The following OPCML variants were observed in gnomAD, a reference collection of about 807,000 sequenced individuals.
OPCML encodes opioid binding protein/cell adhesion molecule like, also known as opioid-binding protein/cell adhesion molecule.
A neutral mutation model predicts 37.8 loss-of-function variants in OPCML; 13 were observed. That is an observed-to-expected ratio of 0.34 (90% CI 0.22 to 0.55). The LOEUF (loss-of-function observed/expected upper bound fraction) is 0.55, where lower values mean the gene tolerates loss of function less well. Among genes scored for constraint, OPCML ranks in the 20% least tolerant of loss-of-function variants. The pLI is 0.91. For synonymous variants in OPCML, 176 were observed against 168.8 expected, an observed-to-expected ratio of 1.04 and a Z score of -0.33; for missense variants, 341 against 435.6, an observed-to-expected ratio of 0.78 and a Z score of 1.93.
chr11:133,289,847 C>T (rs1448635042), intron 1 of OPCML, among the ~76,000 whole-genome samples: 1 of 152,036 alleles, frequency 6.6e-6, no homozygotes, highest in African/African-American at 2.4e-5. Flanking sequence ...ACAGATAACC[C>T]TCTCTCCTCA....
At chr11:133,438,327 G>T (rs546266662) in intron 1 of OPCML, among the ~76,000 whole-genome samples, 1 of 152,072 alleles carries the variant, frequency 6.6e-6, no homozygotes. Context: ...CAAATCACAA[G>T]GGAGGGAATA....
At chr11:132,949,736 T>C (rs952109609) in intron 1 of OPCML, among the ~76,000 whole-genome samples, 1 of 152,244 alleles carries the variant, frequency 6.6e-6, no homozygotes, top group East Asian at 1.9e-4. Flanking sequence ...CTATTTTATG[T>C]TGGACACTGT....
Position 132,478,483 on chromosome 11 carries a change from C to T in OPCML, c.506-41124G>A, listed in dbSNP as rs530217088. Among the ~76,000 whole-genome samples the T allele has an allele frequency of 6.6e-5, 10 of 152,292 alleles. 1 individual carries two copies. The highest frequency in any genetic ancestry group is 2.4e-4 in the African/African-American group (10 of 41,558). On this transcript the variant is annotated intron_variant, in intron 4 of 7. Transcript: ENST00000524381. ...AACGGGATACACAACACATCCTTAACATGAGCCCCCCAAAGAGTCATTCAC... is the reference window on the plus strand; with the variant it reads ...AACGGGATACACAACACATCCTTAATATGAGCCCCCCAAAGAGTCATTCAC...
intron 2 of OPCML, among the ~76,000 whole-genome samples, chr11:132,664,960 CG>C (rs1270206522): frequency 1.1e-4 from 17 of 152,224 alleles, no homozygotes; most frequent in African/African-American, 3.9e-4. Context: ...AGTAGTGCAA[CG>C]GGTTGACTTT....
intron 1 of OPCML, among the ~76,000 whole-genome samples, chr11:133,527,582 C>T (rs1458632109): frequency 6.6e-6 from 1 of 152,146 alleles, no homozygotes; most frequent in East Asian, 1.9e-4. Context: ...ATGGAATGTC[C>T]TCTCCCCTTC....
chr11:132,553,618 T>C (rs1345381570), intron 3 of OPCML, among the ~76,000 whole-genome samples: 1 of 152,206 alleles, frequency 6.6e-6, no homozygotes, highest in Non-Finnish European at 1.5e-5. Context: ...TCAGGTATTC[T>C]AGGCAGAGAT....
At chr11:132,942,891 A>ACGGGCTC in intron 2 of OPCML, 35 bp downstream of exon 2, 1 of 1,612,088 alleles carries the variant, frequency 6.2e-7, no homozygotes, top group Non-Finnish European at 8.5e-7. Flanking sequence ...ACCACAGCCC[A>ACGGGCTC]GGGGCTCGGC....
intron 4 of OPCML, among the ~76,000 whole-genome samples, chr11:132,477,484 C>T (rs1208783006): frequency 6.6e-6 from 1 of 152,130 alleles, no homozygotes; most frequent in African/African-American, 2.4e-5. Flanking sequence ...AGTGGGAAGC[C>T]TTCTGGGGCT....
intron 1 of OPCML, chr11:133,118,014 C>T: frequency 1.2e-6 from 1 of 863,184 alleles, no homozygotes; most frequent in South Asian, 5.3e-5. Context: ...TGTTTTCAAC[C>T]TGAGTCTACA....
At chr11:132,812,440 A>C (rs149798114) in intron 2 of OPCML, among the ~76,000 whole-genome samples, 7 of 152,276 alleles carry the variant, frequency 4.6e-5, no homozygotes, top group African/African-American at 1.7e-4. Context: ...GAAAATTAAC[A>C]TTACAGAATC....
In OPCML at chr11:133,443,244, A is replaced by G. The variant is rs532369613; in HGVS notation, c.61+89020T>C. Among the ~76,000 whole-genome samples the G allele has an allele frequency of 1.6e-4, 25 of 152,242 alleles. No individual in the cohort carries two copies. The East Asian group carries it at 4.8e-3, about 29-fold the overall frequency. ...AGGGTGCTTGAAAGAGCCCCAACCAATCTTTTATAGGAAAGCTTCACAGCA... is the reference window on the plus strand; with the variant it reads ...AGGGTGCTTGAAAGAGCCCCAACCAGTCTTTTATAGGAAAGCTTCACAGCA... On this transcript the variant is annotated intron_variant, in intron 1 of 7. Coordinates refer to ENST00000524381, the MANE Select transcript of OPCML (RefSeq NM_001012393.5).
At chr11:133,052,873 G>A (rs935235877) in intron 1 of OPCML, among the ~76,000 whole-genome samples, 4 of 152,204 alleles carry the variant, frequency 2.6e-5, no homozygotes, top group African/African-American at 9.6e-5. Context: ...GGGATGGAGA[G>A]GATCCTAATT....
intron 1 of OPCML, among the ~76,000 whole-genome samples, chr11:133,465,794 C>A (rs1218788025): frequency 6.6e-6 from 1 of 152,124 alleles, no homozygotes; most frequent in African/African-American, 2.4e-5. Context: ...TAAAGGGACA[C>A]TGGGAGGACT....
chr11:133,398,863 T>C (rs1490723551), intron 1 of OPCML, among the ~76,000 whole-genome samples: 1 of 152,146 alleles, frequency 6.6e-6, no homozygotes, highest in Non-Finnish European at 1.5e-5. Flanking sequence ...TAATTTTCTA[T>C]TAGCCCTATT....
intron 1 of OPCML, among the ~76,000 whole-genome samples, chr11:132,957,556 G>A (rs1945998566): frequency 6.6e-6 from 1 of 152,120 alleles, no homozygotes; most frequent in Non-Finnish European, 1.5e-5. Context: ...GGCACACCTT[G>A]TTTTATTGTG....
intron 1 of OPCML, among the ~76,000 whole-genome samples, chr11:133,202,433 T>C (rs1184364411): frequency 6.6e-6 from 1 of 152,180 alleles, no homozygotes; most frequent in Non-Finnish European, 1.5e-5. Flanking sequence ...TAACAATCAT[T>C]GATGGTGTGC....
chr11:133,198,160 G>A (rs556383456), intron 1 of OPCML, among the ~76,000 whole-genome samples: 3 of 152,276 alleles, frequency 2.0e-5, no homozygotes, highest in East Asian at 1.9e-4. Flanking sequence ...CTCATTCAAC[G>A]ATTTTTATAT....
chr11:133,450,463 C>A (rs1946559232), intron 1 of OPCML, among the ~76,000 whole-genome samples: 3 of 151,272 alleles, frequency 2.0e-5, no homozygotes, highest in African/African-American at 4.9e-5. Context: ...ATCAACCTTT[C>A]TAATTTAATT....
intron 1 of OPCML, among the ~76,000 whole-genome samples, chr11:133,464,677 T>C (rs1446859181): frequency 6.6e-6 from 1 of 152,146 alleles, no homozygotes; most frequent in Non-Finnish European, 1.5e-5. Context: ...ATGAGGGCTG[T>C]GTGGCTGAGG....
Sources: gnomAD v4.1 joint callset for allele counts (sites outside exome capture counted in the v4.1 genomes callset) on GRCh38, gnomAD v4.1.1 for gene constraint, MANE v1.5 for transcripts, NCBI Gene and HGNC (gene_info 2026-07-23, HGNC 2026-07-21) for gene names.